Variants in PDE11A observed in about 807,000 individuals in gnomAD.
The protein encoded by PDE11A is phosphodiesterase 11A, also known as dual 3',5'-cyclic-AMP and -GMP phosphodiesterase 11A.
PDE11A carries 100 observed loss-of-function variants against 100.5 expected under a neutral mutation model. That is an observed-to-expected ratio of 1.00 (90% CI 0.85 to 1.18). The LOEUF (loss-of-function observed/expected upper bound fraction) is 1.18. Among genes scored for constraint, PDE11A ranks in the 50% most tolerant of loss-of-function variants. PDE11A has a pLI of 0.00. For missense variants in PDE11A, 1,141 were observed against 1,152.6 expected (o/e 0.99, Z 0.15); for synonymous variants, 381 against 420.8 (o/e 0.91, Z 1.16).
At chr2:177,895,315 G>A (rs2084592944) in intron 4 of PDE11A, among the ~76,000 whole-genome samples, 1 of 152,122 alleles carries the variant, frequency 6.6e-6, no homozygotes, top group South Asian at 2.1e-4. Flanking sequence ...TACTTTGGGA[G>A]GCCGAGGTGG....
At chr2:177,677,089 A>G (rs999525482) in intron 16 of PDE11A, among the ~76,000 whole-genome samples, 1 of 152,190 alleles carries the variant, frequency 6.6e-6, no homozygotes, top group African/African-American at 2.4e-5. Context: ...TTTGTATCAT[A>G]ATGTGGATAA....
At chr2:178,031,518 G>T (rs895700546) in intron 1 of PDE11A, among the ~76,000 whole-genome samples, 4 of 151,582 alleles carry the variant, frequency 2.6e-5, no homozygotes, top group South Asian at 2.1e-4. Flanking sequence ...ATAAACACAA[G>T]AATTGACTAA....
chr2:177,963,384 A>G (rs1302505185), intron 2 of PDE11A, among the ~76,000 whole-genome samples: 2 of 152,004 alleles, frequency 1.3e-5, no homozygotes, highest in Non-Finnish European at 2.9e-5. Context: ...GGTGACCTAC[A>G]CTCCTCCATG....
chr2:178,000,169 A>C (rs2086126339), intron 2 of PDE11A, among the ~76,000 whole-genome samples: 1 of 152,226 alleles, frequency 6.6e-6, no homozygotes, highest in African/African-American at 2.4e-5. Flanking sequence ...AATAAAAGGA[A>C]ATAATGGAAA....
Position 177,625,954 on chromosome 2 carries a change from C to T in PDE11A, c.*3453G>A, listed in dbSNP as rs779419142. 4.6e-5 allele frequency: 7 copies of T among 152,506 alleles called. 1 individual carries two copies. Among genetic ancestry groups the T allele is most frequent in the Admixed American group, 1.3e-4 (2 of 15,274 alleles). 9.4% of individuals were successfully genotyped at this position (152,506 alleles called of 1,614,324 possible). On this transcript the variant is annotated 3_prime_UTR_variant, in exon 20 of 20. Transcript: ENST00000286063. Reference sequence around the variant, plus strand: ...TCAGCAGTTTCTAAATCTTGACCCACAATAGGAAAGATACCTCAAGACAGG... The same window carrying T: ...TCAGCAGTTTCTAAATCTTGACCCATAATAGGAAAGATACCTCAAGACAGG...
intron 2 of PDE11A, among the ~76,000 whole-genome samples, chr2:177,927,621 C>A (rs2085147949): frequency 6.6e-6 from 1 of 152,120 alleles, no homozygotes. Context: ...GACAATATAT[C>A]AAATCATTGG....
intron 19 of PDE11A, among the ~76,000 whole-genome samples, chr2:177,651,632 T>G (rs1157768655): frequency 6.6e-6 from 1 of 152,120 alleles, no homozygotes; most frequent in Non-Finnish European, 1.5e-5. Flanking sequence ...AGGTCTTTTT[T>G]TTTCTCCCTC....
At chr2:177,707,520 G>C (rs977152953) in intron 13 of PDE11A, among the ~76,000 whole-genome samples, 2 of 152,110 alleles carry the variant, frequency 1.3e-5, no homozygotes, top group Non-Finnish European at 2.9e-5. Flanking sequence ...TCTCCGTTCT[G>C]CTTCTCTTTG....
intron 2 of PDE11A, among the ~76,000 whole-genome samples, chr2:177,986,459 G>A (rs1206280890): frequency 6.6e-6 from 1 of 152,092 alleles, no homozygotes; most frequent in Non-Finnish European, 1.5e-5. Context: ...AGTGATTAAG[G>A]AGCTGGTTCC....
At chr2:177,665,373 AG>A (rs2080555754) in intron 18 of PDE11A, among the ~76,000 whole-genome samples, 1 of 151,342 alleles carries the variant, frequency 6.6e-6, no homozygotes, top group Non-Finnish European at 1.5e-5. Flanking sequence ...TCAGCTACTC[AG>A]GAGGCTGAGG....
chr2:178,095,789 C>G (rs2087480821), intron 2 of PDE11A, among the ~76,000 whole-genome samples: 1 of 152,220 alleles, frequency 6.6e-6, no homozygotes, highest in Non-Finnish European at 1.5e-5. Context: ...CTTCTGTGTA[C>G]CTGCAGGCCC....
chr2:177,696,900 C>G (rs2081119377), intron 15 of PDE11A, among the ~76,000 whole-genome samples: 1 of 152,114 alleles, frequency 6.6e-6, no homozygotes, highest in African/African-American at 2.4e-5. Flanking sequence ...GAAAGCCCTT[C>G]TAAGAAAGAG....
chr2:177,684,240 G>T (rs773516454), intron 15 of PDE11A, among the ~76,000 whole-genome samples: 1 of 152,002 alleles, frequency 6.6e-6, no homozygotes, highest in Non-Finnish European at 1.5e-5. Context: ...TTTAGCCAGG[G>T]CTACCAACAA....
At chr2:177,729,393 A>G (rs1166527061) in intron 10 of PDE11A, among the ~76,000 whole-genome samples, 2 of 152,108 alleles carry the variant, frequency 1.3e-5, no homozygotes, top group Non-Finnish European at 2.9e-5. Flanking sequence ...TTTTCATCCT[A>G]GGATATTCCT....
chr2:177,750,809 C>T (rs942750297), intron 10 of PDE11A, among the ~76,000 whole-genome samples: 5 of 152,086 alleles, frequency 3.3e-5, no homozygotes, highest in African/African-American at 1.2e-4. Flanking sequence ...TTTTTGTGGC[C>T]ATGTGGTACA....
intron 9 of PDE11A, among the ~76,000 whole-genome samples, chr2:177,794,472 T>A (rs1356864499): frequency 6.6e-6 from 1 of 152,202 alleles, no homozygotes; most frequent in Non-Finnish European, 1.5e-5. Context: ...TGTAGGCACT[T>A]GCTGGGGATA....
chr2:177,938,770 G>A (rs998533566), intron 2 of PDE11A, among the ~76,000 whole-genome samples: 2 of 152,212 alleles, frequency 1.3e-5, no homozygotes, highest in African/African-American at 4.8e-5. Flanking sequence ...AAACCAGTAT[G>A]TTGAAGTTCC....
At chr2:177,782,638 C>T (rs2082469963) in intron 9 of PDE11A, among the ~76,000 whole-genome samples, 1 of 152,194 alleles carries the variant, frequency 6.6e-6, no homozygotes, top group South Asian at 2.1e-4. Flanking sequence ...AATCATCACA[C>T]TAAATGTGAA....
intron 10 of PDE11A, among the ~76,000 whole-genome samples, chr2:177,739,590 A>G (rs1470732413): frequency 3.3e-5 from 5 of 152,188 alleles, no homozygotes; most frequent in African/African-American, 1.2e-4. Flanking sequence ...TGCATTCAAT[A>G]TAAACAATTT....
Sources: gnomAD v4.1 joint callset for allele counts (sites outside exome capture counted in the v4.1 genomes callset) on GRCh38, gnomAD v4.1.1 for gene constraint, MANE v1.5 for transcripts, NCBI Gene and HGNC (gene_info 2026-07-23, HGNC 2026-07-21) for gene names.